KCNK13: variants seen among roughly 807,000 people sequenced by gnomAD.
KCNK13 encodes potassium two pore domain channel subfamily K member 13, also known as potassium channel subfamily K member 13.
KCNK13 carries 12 observed loss-of-function variants against 23.4 expected under a neutral mutation model. The observed-to-expected ratio is 0.51, with a 90% CI of 0.33 to 0.83. The LOEUF (loss-of-function observed/expected upper bound fraction) is 0.83. KCNK13 is among the 40% of genes least tolerant of loss of function. KCNK13 has a pLI of 0.02. For synonymous variants in KCNK13, 231 were observed against 229.5 expected (o/e 1.01, Z -0.06); for missense variants, 463 against 556.3 (o/e 0.83, Z 1.69).
At chr14:90,161,434 A>T (rs1890252254) in intron 1 of KCNK13, among the ~76,000 whole-genome samples, 1 of 152,204 alleles carries the variant, frequency 6.6e-6, no homozygotes, top group East Asian at 1.9e-4. Context: ...AATGGTGAAA[A>T]TGGCAAATTT....
intron 1 of KCNK13, among the ~76,000 whole-genome samples, chr14:90,141,767 C>T (rs55786226): frequency 0.072 from 9,514 of 131,582 alleles, 400 homozygotes; most frequent in South Asian, 0.25. Context: ...CTTATGCCCT[C>T]TTGGGTTTTT....
chr14:90,161,218 G>A (rs1459340107), intron 1 of KCNK13, among the ~76,000 whole-genome samples: 1 of 152,128 alleles, frequency 6.6e-6, no homozygotes, highest in African/African-American at 2.4e-5. Flanking sequence ...TATTACACGA[G>A]CCCACTTATC....
intron 1 of KCNK13, among the ~76,000 whole-genome samples, chr14:90,142,647 G>A (rs1284932682): frequency 6.6e-6 from 1 of 152,188 alleles, no homozygotes; most frequent in African/African-American, 2.4e-5. Flanking sequence ...AGCATCATTT[G>A]TTAAAAACAT....
intron 1 of KCNK13, among the ~76,000 whole-genome samples, chr14:90,128,958 G>A (rs1474864138): frequency 2.0e-5 from 3 of 152,022 alleles, no homozygotes; most frequent in Non-Finnish European, 4.4e-5. Context: ...CTTCCTCCCC[G>A]CCCCCTAAGA....
intron 1 of KCNK13, among the ~76,000 whole-genome samples, chr14:90,087,154 A>ATTTTTT (rs1555401789): frequency 1.0e-4 from 11 of 107,614 alleles, no homozygotes; most frequent in Admixed American, 3.3e-4. Flanking sequence ...ATATATATAT[A>ATTTTTT]TTTTTTTTTT....
chr14:90,116,896 C>T (rs1396381903), intron 1 of KCNK13, among the ~76,000 whole-genome samples: 2 of 152,086 alleles, frequency 1.3e-5, no homozygotes, highest in Non-Finnish European at 2.9e-5. Context: ...TAATTCCTCC[C>T]TTATATTTAG....
chr14:90,074,296 G>A (rs1412854163), intron 1 of KCNK13, among the ~76,000 whole-genome samples: 2 of 152,224 alleles, frequency 1.3e-5, no homozygotes, highest in Non-Finnish European at 2.9e-5. Context: ...TTGTTTCAGA[G>A]CAGAAGAACT....
Position 90,130,239 on chromosome 14 carries a change from G to A in KCNK13, c.335-53872G>A, listed in dbSNP as rs920739954. Among the ~76,000 whole-genome samples, 12 of 143,566 alleles carry A rather than the reference G, an allele frequency of 8.4e-5. 1 individual carries two copies. Among genetic ancestry groups the A allele is most frequent in the Admixed American group, 2.1e-4 (3 of 14,396 alleles). 94.2% of individuals were successfully genotyped at this position (143,566 alleles called of 152,430 possible). On this transcript the variant is annotated intron_variant, in intron 1 of 1. Transcript: ENST00000282146. Reference sequence around the variant, plus strand: ...TTTTCAGACAGGGTTTCACTCTCTCGCCCAGACTGGAGTGCAATGGTGCAA... The same window carrying A: ...TTTTCAGACAGGGTTTCACTCTCTCACCCAGACTGGAGTGCAATGGTGCAA...
intron 1 of KCNK13, among the ~76,000 whole-genome samples, chr14:90,173,373 A>C (rs1890386685): frequency 6.6e-6 from 1 of 152,172 alleles, no homozygotes; most frequent in South Asian, 2.1e-4. Flanking sequence ...TTCAAAAAGA[A>C]TATGAAGAAT....
intron 1 of KCNK13, among the ~76,000 whole-genome samples, chr14:90,088,325 G>A (rs962554065): frequency 2.8e-5 from 4 of 144,800 alleles, no homozygotes; most frequent in African/African-American, 1.0e-4. Context: ...TTAACAACAA[G>A]CTTAAAAAGA....
chr14:90,150,131 A>G (rs1450193372), intron 1 of KCNK13, among the ~76,000 whole-genome samples: 1 of 152,156 alleles, frequency 6.6e-6, no homozygotes, highest in East Asian at 1.9e-4. Flanking sequence ...GTTTAAACTG[A>G]CTTGAAGTAC....
intron 1 of KCNK13, among the ~76,000 whole-genome samples, chr14:90,126,442 T>TGTGACGTGAC (rs1292461928): frequency 1.1e-5 from 1 of 90,060 alleles, no homozygotes; most frequent in Non-Finnish European, 2.4e-5. Flanking sequence ...TGTGACGTGA[T>TGTGACGTGAC]GTGACGTGAC....
At chr14:90,073,546 G>A (rs1889101056) in intron 1 of KCNK13, among the ~76,000 whole-genome samples, 1 of 152,232 alleles carries the variant, frequency 6.6e-6, no homozygotes, top group Admixed American at 6.5e-5. Flanking sequence ...ACAAGGCATG[G>A]GCCCTGAAGA....
chr14:90,130,356 C>G (rs1486898398), intron 1 of KCNK13, among the ~76,000 whole-genome samples: 4 of 151,778 alleles, frequency 2.6e-5, no homozygotes, highest in East Asian at 2.0e-4. Context: ...CGCACCACCA[C>G]GCCCGGCTAA....
At chr14:90,101,937 G>A (rs1272263273) in intron 1 of KCNK13, among the ~76,000 whole-genome samples, 2 of 151,310 alleles carry the variant, frequency 1.3e-5, no homozygotes, top group Non-Finnish European at 2.9e-5. Flanking sequence ...AGGTTGGAGT[G>A]CAATGGCGCG....
rs997454083 is a variant in KCNK13 at position 90,075,371 on chromosome 14, T to G, written c.334+12832T>G. ...CTCCCAGGTCCTTGTTGTATCTTTT[T>G]CTCTGGAAATGCTTCTTTAAATGAC... is the stretch of plus-strand genomic sequence containing the variant. On this transcript the variant is annotated intron_variant, in intron 1 of 1. Transcript: ENST00000282146. Among the ~76,000 whole-genome samples the G allele has an allele frequency of 2.0e-5, 3 of 152,236 alleles. No homozygotes were observed. The East Asian group carries it at 5.8e-4, about 29-fold the overall frequency.
At chr14:90,110,551 G>A (rs1160385938) in intron 1 of KCNK13, among the ~76,000 whole-genome samples, 1 of 151,874 alleles carries the variant, frequency 6.6e-6, no homozygotes, top group Non-Finnish European at 1.5e-5. Flanking sequence ...CATTCCAGGT[G>A]ATGCCACTAC....
At chr14:90,106,672 G>A (rs1889547381) in intron 1 of KCNK13, among the ~76,000 whole-genome samples, 1 of 151,926 alleles carries the variant, frequency 6.6e-6, no homozygotes, top group Admixed American at 6.6e-5. Context: ...ATATATTTTA[G>A]AAAGACATTA....
intron 1 of KCNK13, among the ~76,000 whole-genome samples, chr14:90,092,782 G>A (rs148853785): frequency 1.7e-3 from 261 of 151,984 alleles, no homozygotes; most frequent in African/African-American, 6.0e-3. Context: ...GCCTGATGGT[G>A]CATGCCTGTA....
Sources: gnomAD v4.1 joint callset for allele counts (sites outside exome capture counted in the v4.1 genomes callset) on GRCh38, gnomAD v4.1.1 for gene constraint, MANE v1.5 for transcripts, NCBI Gene and HGNC (gene_info 2026-07-23, HGNC 2026-07-21) for gene names.